Variants in CUL4A observed in about 807,000 individuals in gnomAD.
CUL4A encodes cullin-4A.
Under a neutral mutation model 95.5 loss-of-function variants are expected in CUL4A, and 16 were observed. The observed-to-expected ratio is 0.17, with a 90% CI of 0.11 to 0.25. The LOEUF (loss-of-function observed/expected upper bound fraction) is 0.25, where lower values mean the gene tolerates loss of function less well. Among genes scored for constraint, CUL4A ranks in the 10% least tolerant of loss-of-function variants. The pLI is 1.00. For missense variants in CUL4A, 610 were observed against 937.0 expected, an observed-to-expected ratio of 0.65 and a Z score of 4.56; for synonymous variants, 380 against 353.1, an observed-to-expected ratio of 1.08 and a Z score of -0.85.
rs12586024 is a variant in CUL4A at position 113,243,241 on chromosome 13, A to G, written c.1228+81A>G. On this transcript the variant is annotated intron_variant, in intron 11 of 19. Coordinates refer to ENST00000375440, the MANE Select transcript of CUL4A (RefSeq NM_001008895.4). ...TCTAGACAATTTTTTAATATGGGAA[A>G]ATAAGGCAAAATCAACCAAAATGTT... 28 of 1,360,496 alleles carry G rather than the reference A, an allele frequency of 2.1e-5. No homozygotes were observed. In the East Asian group the frequency reaches 6.1e-4, roughly 30 times the overall value. 84.3% of individuals were successfully genotyped at this position (1,360,496 alleles called of 1,614,324 possible). A position where few individuals can be genotyped will look rare whatever the true frequency, so the allele number is the denominator to read the frequency against.
intron 2 of CUL4A, among the ~76,000 whole-genome samples, chr13:113,215,521 ATG>A (rs1052250818): frequency 7.2e-6 from 1 of 138,494 alleles, no homozygotes; most frequent in African/African-American, 2.8e-5. Flanking sequence ...GGTCTCGTCC[ATG>A]TGGCTGTGGA....
chr13:113,208,309 A>G, upstream of CUL4A: 1 of 1,431,976 alleles, frequency 7.0e-7, no homozygotes, highest in Non-Finnish European at 9.1e-7. Flanking sequence ...CACACGTGCC[A>G]GCAAGTGAGG....
At chr13:113,237,321 G>A (rs1036699717) in intron 9 of CUL4A, among the ~76,000 whole-genome samples, 1 of 152,206 alleles carries the variant, frequency 6.6e-6, no homozygotes, top group Non-Finnish European at 1.5e-5. Context: ...GTGCATCTTA[G>A]TGTCAGATGA....
intron 12 of CUL4A, 39 bp from the exon 13 acceptor site, chr13:113,244,910 T>A: frequency 7.8e-7 from 1 of 1,280,758 alleles, no homozygotes; most frequent in South Asian, 1.2e-5. Flanking sequence ...GCTTATCAAC[T>A]CTCTGATGTC....
At chr13:113,248,109 C>T (rs1203748700) in intron 15 of CUL4A, among the ~76,000 whole-genome samples, 1 of 151,980 alleles carries the variant, frequency 6.6e-6, no homozygotes, top group Non-Finnish European at 1.5e-5. Flanking sequence ...TCCACCGTAT[C>T]GTTAGTGTTT....
intron 10 of CUL4A, among the ~76,000 whole-genome samples, chr13:113,241,713 CA>C (rs1244644678): frequency 6.6e-6 from 1 of 151,872 alleles, no homozygotes; most frequent in Non-Finnish European, 1.5e-5. Context: ...GGGGTTTCAC[CA>C]TATTGTCCAA....
At chr13:113,230,622 C>G (rs1158866273) in intron 5 of CUL4A, among the ~76,000 whole-genome samples, 1 of 152,178 alleles carries the variant, frequency 6.6e-6, no homozygotes, top group Non-Finnish European at 1.5e-5. Flanking sequence ...GGGACTGTTT[C>G]CTACTAATGT....
At position 113,263,804 on chromosome 13, in the gene CUL4A, A is replaced by G. The variant is rs908302161; in HGVS notation, c.*222A>G. On this transcript the variant is annotated 3_prime_UTR_variant, in exon 20 of 20. Transcript: ENST00000375440. ...TCCTCTAGTTCTTTTAGGCATTTAAATTGTTTCTGTTACTCTGTGCAAAAT... is the reference window on the plus strand; with the variant it reads ...TCCTCTAGTTCTTTTAGGCATTTAAGTTGTTTCTGTTACTCTGTGCAAAAT... The G allele has an allele frequency of 7.6e-6, 3 of 394,962 alleles. No homozygotes were observed. Among genetic ancestry groups the G allele is most frequent in the Non-Finnish European group, 1.3e-5 (3 of 224,122 alleles). 24.5% of individuals were successfully genotyped at this position (394,962 alleles called of 1,614,324 possible). A position where few individuals can be genotyped will look rare whatever the true frequency, so the allele number is the denominator to read the frequency against.
chr13:113,215,549 A>G (rs1203099928), intron 2 of CUL4A, among the ~76,000 whole-genome samples: 1 of 146,726 alleles, frequency 6.8e-6, no homozygotes, highest in Non-Finnish European at 1.5e-5. Context: ...CTTTGTGACT[A>G]TGGAGGTCAC....
chr13:113,209,317 C>G (rs1286410714), upstream of CUL4A, among the ~76,000 whole-genome samples: 1 of 147,114 alleles, frequency 6.8e-6, no homozygotes, highest in African/African-American at 2.5e-5. Context: ...GGCAGGGTCT[C>G]GGTGCGCCCC....
chr13:113,219,511 T>C (rs2040820336), intron 3 of CUL4A: 1 of 155,680 alleles, frequency 6.4e-6, no homozygotes, highest in South Asian at 1.9e-4. Flanking sequence ...CCTGAGGTCT[T>C]TGCTAGCACG....
chr13:113,224,892 G>C (rs552392096), intron 3 of CUL4A, among the ~76,000 whole-genome samples: 1 of 152,182 alleles, frequency 6.6e-6, no homozygotes, highest in Non-Finnish European at 1.5e-5. Context: ...TCGGCCTAGG[G>C]CTGTCCCCTC....
chr13:113,241,181 T>G (rs546107475), intron 10 of CUL4A, among the ~76,000 whole-genome samples: 1 of 152,246 alleles, frequency 6.6e-6, no homozygotes, highest in South Asian at 2.1e-4. Context: ...GATTTAGGTT[T>G]TTTGCCAGTG....
At chr13:113,232,592 C>G (rs540000632) in intron 5 of CUL4A, among the ~76,000 whole-genome samples, 1 of 152,256 alleles carries the variant, frequency 6.6e-6, no homozygotes, top group Non-Finnish European at 1.5e-5. Flanking sequence ...TGGACAGCCA[C>G]TGGCAGCTGA....
intron 15 of CUL4A, among the ~76,000 whole-genome samples, chr13:113,249,679 G>A (rs570959641): frequency 1.3e-5 from 2 of 152,322 alleles, no homozygotes; most frequent in South Asian, 2.1e-4. Context: ...AGGAATTGCC[G>A]GACTGTTTCC....
In CUL4A at chr13:113,226,117, C is replaced by T. The variant is rs116587753; in HGVS notation, c.369-1859C>T. ...CTCAGGCTCTGCCTGGCACCCTACC[C>T]TCCCTGGCACTCTTTCTTTGTCAGG... On this transcript the variant is annotated intron_variant, in intron 3 of 19. Coordinates refer to ENST00000375440, the MANE Select transcript of CUL4A (RefSeq NM_001008895.4). Among the ~76,000 whole-genome samples, 612 of 152,158 alleles carry T rather than the reference C, an allele frequency of 4.0e-3. 5 individuals carry two copies. The highest frequency in any genetic ancestry group is 0.014 in the African/African-American group (571 of 41,414).
intron 5 of CUL4A, among the ~76,000 whole-genome samples, chr13:113,232,049 C>CTG (rs2041339739): frequency 4.0e-5 from 6 of 150,464 alleles, no homozygotes; most frequent in African/African-American, 1.5e-4. Context: ...CCACCACTAC[C>CTG]CGCCCACCAC....
chr13:113,236,756 C>G, intron 8 of CUL4A, 67 bp from the exon 9 acceptor site: 2 of 1,080,964 alleles, frequency 1.9e-6, no homozygotes, highest in Non-Finnish European at 2.8e-6. Flanking sequence ...ATGCCCCCAT[C>G]TTTTGCAGAG....
At chr13:113,248,248 T>A (rs940797901) in intron 15 of CUL4A, among the ~76,000 whole-genome samples, 6 of 151,954 alleles carry the variant, frequency 3.9e-5, no homozygotes, top group Non-Finnish European at 7.4e-5. Context: ...TGAATGGGGA[T>A]TTTTTTCCAG....
Sources: allele counts gnomAD v4.1 joint callset (sites outside exome capture counted in the v4.1 genomes callset), GRCh38; gene constraint gnomAD v4.1.1; transcripts MANE v1.5; gene names NCBI Gene and HGNC (gene_info 2026-07-23, HGNC 2026-07-21).